FBXL5: variants seen among roughly 807,000 people sequenced by gnomAD.
The protein encoded by FBXL5 is F-box and leucine rich repeat protein 5.
FBXL5 carries 26 observed loss-of-function variants against 78.3 expected under a neutral mutation model. The ratio of observed to expected loss-of-function variants is 0.33; its 90% CI spans 0.24 to 0.46. FBXL5 has a LOEUF of 0.46. Ranked by LOEUF, FBXL5 falls within the 20% of genes least tolerant of loss-of-function variation. The pLI is 1.00. For missense variants in FBXL5, 710 were observed against 829.2 expected, an observed-to-expected ratio of 0.86 and a Z score of 1.77; for synonymous variants, 295 against 282.5, an observed-to-expected ratio of 1.04 and a Z score of -0.45.
chr4:15,636,428 C>A, intron 5 of FBXL5, 66 bp downstream of exon 5: 1 of 1,270,710 alleles, frequency 7.9e-7, no homozygotes, highest in South Asian at 1.7e-5. Context: ...TGGCCTTGCT[C>A]ATTAATGTAA....
In FBXL5 at chr4:15,630,769, T is replaced by C. The variant is rs1713544958; in HGVS notation, c.789A>G (p.Ala263=). 6.2e-7 allele frequency: 1 copy of C among 1,613,078 alleles called. No individual in the cohort carries two copies. The highest frequency in any genetic ancestry group is 1.3e-5 in the African/African-American group (1 of 74,842). Residue 263 remains alanine (A), a synonymous_variant, in exon 6 of 11, where the codon GCA becomes GCG. Transcript: ENST00000341285. ...WARGDWYSGP[A]TELDTEPDDE... ...CATCAGGTTCAGTATCAAGTTCAGT[T>C]GCGGGACCACTATACCAGTCACCTA...
At chr4:15,676,284 C>T (rs2148825132) in intron 1 of FBXL5, among the ~76,000 whole-genome samples, 1 of 152,198 alleles carries the variant, frequency 6.6e-6, no homozygotes, top group East Asian at 1.9e-4. Flanking sequence ...GTAGTCAAAC[C>T]TGAACCTAAT....
At chr4:15,670,903 C>A (rs78215976) in intron 1 of FBXL5, among the ~76,000 whole-genome samples, 4,593 of 134,314 alleles carry the variant, frequency 0.034, 227 homozygotes, top group African/African-American at 0.12. Context: ...GACATTTTCT[C>A]TGTGCGTAGA....
chr4:15,627,736 G>A lies in FBXL5; in HGVS notation c.1041+149C>T. Reference sequence around the variant, plus strand: ...TGTGAGAACTGCAATGAAATAATAAGTAACCTAGCAGTGTATGCCTACCCA... The same window carrying A: ...TGTGAGAACTGCAATGAAATAATAAATAACCTAGCAGTGTATGCCTACCCA... On this transcript the variant is annotated intron_variant, in intron 7 of 10. Coordinates refer to ENST00000341285, the MANE Select transcript of FBXL5 (RefSeq NM_012161.4). 5.0e-6 allele frequency: 3 copies of A among 601,358 alleles called. No individual in the cohort carries two copies. In the East Asian group the frequency reaches 8.6e-5, roughly 17 times the overall value. 37.3% of individuals were successfully genotyped at this position (601,358 alleles called of 1,614,324 possible). A position where few individuals can be genotyped will look rare whatever the true frequency, so the allele number is the denominator to read the frequency against.
At chr4:15,635,208 C>T (rs1322732307) in intron 5 of FBXL5, among the ~76,000 whole-genome samples, 1 of 151,566 alleles carries the variant, frequency 6.6e-6, no homozygotes, top group Non-Finnish European at 1.5e-5. Flanking sequence ...TGGCGGATGC[C>T]TGTAATCGCA....
chr4:15,608,612 G>C (rs182455034), intron 10 of FBXL5, among the ~76,000 whole-genome samples: 1 of 151,432 alleles, frequency 6.6e-6, no homozygotes, highest in East Asian at 2.0e-4. Flanking sequence ...CAAGAACTCT[G>C]AATACATTTT....
Position 15,627,868 on chromosome 4 carries a change from T to G in FBXL5, c.1041+17A>C. On this transcript the variant is annotated intron_variant, in intron 7 of 10. Transcript: ENST00000341285. ...CTGTTTTTCTTAATACCCAAACTAG[T>G]GTTAATTTAAACATACCATTTTGCT... 1 of 1,598,960 alleles carries G rather than the reference T, an allele frequency of 6.3e-7. No homozygotes were observed. Among genetic ancestry groups the G allele is most frequent in the Admixed American group, 1.8e-5 (1 of 57,028 alleles).
In FBXL5 at chr4:15,605,786, A is replaced by G; in HGVS notation, c.2013T>C (p.Asp671=). 6.2e-7 allele frequency: 1 copy of G among 1,613,586 alleles called. No individual in the cohort carries two copies. The highest frequency in any genetic ancestry group is 8.5e-7 in the Non-Finnish European group (1 of 1,179,646). The part of the protein sequence containing the change: ...YCDNINGPHA[D]TASGCQNLQC... ...GCAAATTCTGGCATCCACTGGCGGT[A>G]TCAGCATGAGGACCTGTATGAAAAC... The change falls in exon 11 of 11, where the codon GAT becomes GAC. Residue 671 remains aspartate, a synonymous_variant. Coordinates refer to ENST00000341285, the MANE Select transcript of FBXL5 (RefSeq NM_012161.4).
intron 1 of FBXL5, among the ~76,000 whole-genome samples, chr4:15,648,852 C>T (rs532612627): frequency 6.6e-6 from 1 of 152,210 alleles, no homozygotes; most frequent in Admixed American, 6.5e-5. Flanking sequence ...GAGAGTACAT[C>T]CTCTGTGTCT....
chr4:15,606,970 C>T (rs1721931026), intron 10 of FBXL5, among the ~76,000 whole-genome samples: 1 of 152,210 alleles, frequency 6.6e-6, no homozygotes, highest in Non-Finnish European at 1.5e-5. Flanking sequence ...ACATAGAACA[C>T]ATTAATTTCC....
upstream of FBXL5, among the ~76,000 whole-genome samples, chr4:15,661,814 C>G (rs1717324492): frequency 6.6e-6 from 1 of 152,166 alleles, no homozygotes; most frequent in Non-Finnish European, 1.5e-5. Context: ...TGGCTGCAGT[C>G]AGATTGGCAG....
intron 1 of FBXL5, among the ~76,000 whole-genome samples, chr4:15,666,577 A>G (rs762109471): frequency 6.6e-6 from 1 of 152,180 alleles, no homozygotes; most frequent in African/African-American, 2.4e-5. Context: ...TTTGAGATCT[A>G]TTGGACAGCA....
At chr4:15,653,706 G>T (rs1369495988) in intron 1 of FBXL5, among the ~76,000 whole-genome samples, 1 of 152,050 alleles carries the variant, frequency 6.6e-6, no homozygotes, top group Non-Finnish European at 1.5e-5. Context: ...AAAAGCCAGA[G>T]AGGATAAAAA....
At chr4:15,633,725 T>C (rs1713931593) in intron 5 of FBXL5, among the ~76,000 whole-genome samples, 1 of 152,140 alleles carries the variant, frequency 6.6e-6, no homozygotes. Flanking sequence ...TCCAAGTAGC[T>C]GGGATAACAG....
intron 1 of FBXL5, among the ~76,000 whole-genome samples, chr4:15,648,940 A>G (rs2148694933): frequency 6.6e-6 from 1 of 152,288 alleles, no homozygotes; most frequent in Middle Eastern, 3.4e-3. Flanking sequence ...TATACAATGT[A>G]CATGTATATC....
rs949938651 is a variant in FBXL5, at chr4:15,670,447, G to A, written c.-283-10525C>T. Reference sequence around the variant, plus strand: ...TACAGAGATTCCAGCTTTAATTGGTGTTACCATCATATCTTTTTTCATCCT... The same window carrying A: ...TACAGAGATTCCAGCTTTAATTGGTATTACCATCATATCTTTTTTCATCCT... On this transcript the variant is annotated intron_variant, in intron 1 of 4. Transcript: ENST00000507899. Among the ~76,000 whole-genome samples, 5 of 152,174 alleles carry A rather than the reference G, an allele frequency of 3.3e-5. No homozygotes were observed. In the South Asian group the frequency reaches 8.3e-4, roughly 25 times the overall value.
chr4:15,664,023 G>C (rs1296894478), upstream of FBXL5, among the ~76,000 whole-genome samples: 1 of 152,154 alleles, frequency 6.6e-6, no homozygotes, highest in Non-Finnish European at 1.5e-5. Flanking sequence ...ACTTAAAGAA[G>C]CTACATAATT....
At chr4:15,611,639 A>G (rs1024919016) in intron 10 of FBXL5, among the ~76,000 whole-genome samples, 1 of 152,166 alleles carries the variant, frequency 6.6e-6, no homozygotes, top group Non-Finnish European at 1.5e-5. Flanking sequence ...TATGTTTAAA[A>G]GAACAAAATC....
chr4:15,655,210 G>T lies in FBXL5; in HGVS notation c.78C>A (p.Cys26Ter). Residue 26 changes from cysteine (C) to a stop codon, truncating the protein, a stop_gained, in exon 1 of 11, where the codon TGC (cysteine) becomes TGA (stop). Coordinates refer to ENST00000341285, the MANE Select transcript of FBXL5 (RefSeq NM_012161.4). LOFTEE classifies it high-confidence loss of function. ...AGGCTCAGCGCTCCGTTACCTTGTCGCAGTAGAGCCCCACCAGCTGCTTCA... is the reference window on the plus strand; with the variant it reads ...AGGCTCAGCGCTCCGTTACCTTGTCTCAGTAGAGCCCCACCAGCTGCTTCA... Reference protein sequence around the residue: ...WRMKQLVGLYCDKLSKTNFSN... With the variant: ...WRMKQLVGLY The T allele has an allele frequency of 7.0e-7, 1 of 1,421,348 alleles. No individual in the cohort carries two copies. The highest frequency in any genetic ancestry group is 9.4e-7 in the Non-Finnish European group (1 of 1,065,334). 88.0% of individuals were successfully genotyped at this position (1,421,348 alleles called of 1,614,324 possible).
Sources: allele counts gnomAD v4.1 joint callset (sites outside exome capture counted in the v4.1 genomes callset), GRCh38; gene constraint gnomAD v4.1.1; transcripts MANE v1.5; gene names NCBI Gene and HGNC (gene_info 2026-07-23, HGNC 2026-07-21).